Variants in KIF16B observed in about 807,000 individuals in gnomAD.
The protein encoded by KIF16B is kinesin family member 16B, also known as kinesin-like protein KIF16B.
A neutral mutation model predicts 156.3 loss-of-function variants in KIF16B; 98 were observed. The ratio of observed to expected loss-of-function variants is 0.63; its 90% CI spans 0.53 to 0.74. KIF16B has a LOEUF of 0.74. Among genes scored for constraint, KIF16B ranks in the 30% least tolerant of loss-of-function variants. KIF16B has a pLI of 0.00. For missense variants in KIF16B, 1,421 were observed against 1,606.5 expected, an observed-to-expected ratio of 0.88 and a Z score of 1.97; for synonymous variants, 564 against 583.7, an observed-to-expected ratio of 0.97 and a Z score of 0.49.
intron 1 of KIF16B, among the ~76,000 whole-genome samples, chr20:16,549,130 A>G (rs1441215580): frequency 6.7e-6 from 1 of 148,456 alleles, no homozygotes; most frequent in East Asian, 2.0e-4. Context: ...ATGCTGGTGC[A>G]CTGCACCCAC....
In KIF16B at chr20:16,273,333, G is replaced by A; in HGVS notation, c.3874C>T (p.Leu1292Phe). 1.9e-6 allele frequency: 3 copies of A among 1,613,648 alleles called. No homozygotes were observed. Among genetic ancestry groups the A allele is most frequent in the Non-Finnish European group, 2.5e-6 (3 of 1,179,536 alleles). Residue 1292 changes from leucine (L) to phenylalanine (F), a missense_variant, in exon 26 of 26, where the codon CTC becomes TTC. Transcript: ENST00000354981. ...AACTCACAAATGGTATGTTTCGAGA[G>A]AGTCAGTCCCACTTTGTTGATGTGG... The part of the protein sequence containing the change: ...PLHINKVGLT[L>F]SKHTICEFSP...
intron 12 of KIF16B, among the ~76,000 whole-genome samples, chr20:16,435,442 A>C (rs2066617372): frequency 6.6e-6 from 1 of 152,212 alleles, no homozygotes; most frequent in African/African-American, 2.4e-5. Flanking sequence ...CTGGATGTTT[A>C]AAGAGTTTCT....
chr20:16,308,593 G>A (rs1267135351), intron 25 of KIF16B, among the ~76,000 whole-genome samples: 1 of 152,182 alleles, frequency 6.6e-6, no homozygotes, highest in Non-Finnish European at 1.5e-5. Context: ...CAAGACATAG[G>A]CCTTCACCTG....
chr20:16,451,474 A>C (rs2067078888), intron 12 of KIF16B, among the ~76,000 whole-genome samples: 1 of 151,948 alleles, frequency 6.6e-6, no homozygotes, highest in African/African-American at 2.4e-5. Flanking sequence ...TAATTTGAAG[A>C]CTTCTTTCTT....
chr20:16,508,749 A>C (rs553030431), intron 6 of KIF16B, among the ~76,000 whole-genome samples: 57 of 152,296 alleles, frequency 3.7e-4, no homozygotes, highest in African/African-American at 1.4e-3. Context: ...ACGGTATTTA[A>C]AAAAAGGTTA....
At chr20:16,415,762 C>A (rs1164685705) in intron 15 of KIF16B, among the ~76,000 whole-genome samples, 1 of 152,126 alleles carries the variant, frequency 6.6e-6, no homozygotes, top group Non-Finnish European at 1.5e-5. Flanking sequence ...ACATTCACTT[C>A]AGAATTCAAC....
chr20:16,405,169 C>T (rs2065751811), intron 16 of KIF16B, among the ~76,000 whole-genome samples: 1 of 152,130 alleles, frequency 6.6e-6, no homozygotes, highest in Non-Finnish European at 1.5e-5. Context: ...CCCAGTTGGT[C>T]TCCCCTGCCG....
intron 12 of KIF16B, among the ~76,000 whole-genome samples, chr20:16,468,780 A>G (rs904119498): frequency 3.9e-5 from 6 of 152,138 alleles, no homozygotes; most frequent in African/African-American, 1.4e-4. Context: ...AAATGCACAC[A>G]TCCAGTAGGC....
At chr20:16,406,529 T>C (rs1295254613) in intron 15 of KIF16B, 73 bp from the exon 16 acceptor site, 8 of 1,221,634 alleles carry the variant, frequency 6.5e-6, no homozygotes, top group Non-Finnish European at 1.2e-6. Flanking sequence ...TAACATGGAA[T>C]TCTACTGTTG....
intron 17 of KIF16B, among the ~76,000 whole-genome samples, chr20:16,384,414 C>T (rs946542273): frequency 4.6e-5 from 7 of 152,124 alleles, no homozygotes; most frequent in Non-Finnish European, 1.0e-4. Flanking sequence ...CTTTCTCTTG[C>T]ATGATATAGA....
chr20:16,410,190 T>C (rs529392069), intron 15 of KIF16B, among the ~76,000 whole-genome samples: 68 of 145,484 alleles, frequency 4.7e-4, no homozygotes, highest in African/African-American at 1.7e-3. Flanking sequence ...TGTAGGTACA[T>C]ATACATATAT....
chr20:16,447,351 A>C (rs2146573211), intron 12 of KIF16B, among the ~76,000 whole-genome samples: 1 of 152,230 alleles, frequency 6.6e-6, no homozygotes, highest in South Asian at 2.1e-4. Flanking sequence ...CTAAGATCAC[A>C]GATCTGCCAC....
At chr20:16,475,822 C>A (rs1042588298) in intron 12 of KIF16B, among the ~76,000 whole-genome samples, 1 of 152,138 alleles carries the variant, frequency 6.6e-6, no homozygotes, top group African/African-American at 2.4e-5. Context: ...TTTTCAAAAA[C>A]CTTTTAGCTG....
chr20:16,337,372 T>C (rs972949121), intron 23 of KIF16B, among the ~76,000 whole-genome samples: 2 of 152,164 alleles, frequency 1.3e-5, no homozygotes, highest in Non-Finnish European at 2.9e-5. Flanking sequence ...TCCCAGCCAT[T>C]CTTTCATTCG....
intron 12 of KIF16B, among the ~76,000 whole-genome samples, chr20:16,458,115 C>CA (rs2067257412): frequency 6.6e-6 from 1 of 152,104 alleles, no homozygotes; most frequent in South Asian, 2.1e-4. Context: ...ACTTTACTGC[C>CA]AAAATGCAGC....
chr20:16,508,755 G>C (rs1172405843), intron 6 of KIF16B, among the ~76,000 whole-genome samples: 3 of 152,130 alleles, frequency 2.0e-5, no homozygotes, highest in Non-Finnish European at 4.4e-5. Context: ...TTTAAAAAAA[G>C]GTTAGCTATT....
intron 1 of KIF16B, among the ~76,000 whole-genome samples, chr20:16,537,238 AC>A (rs1214804976): frequency 6.6e-6 from 1 of 152,044 alleles, no homozygotes; most frequent in East Asian, 1.9e-4. Flanking sequence ...TCATGATCTG[AC>A]CCTAGTTGAC....
chr20:16,469,148 AAGCTGAGGCAGG>A (rs1310896216), intron 12 of KIF16B, among the ~76,000 whole-genome samples: 1 of 151,396 alleles, frequency 6.6e-6, no homozygotes. Context: ...GCTACTTGGG[AAGCTGAGGCAGG>A]AGGACTGCTT....
intron 1 of KIF16B, among the ~76,000 whole-genome samples, chr20:16,542,559 G>T (rs548097330): frequency 2.6e-5 from 4 of 152,144 alleles, no homozygotes; most frequent in African/African-American, 7.2e-5. Context: ...CCTCTCTAAG[G>T]GGGTGAGATA....
Sources: allele counts gnomAD v4.1 joint callset (sites outside exome capture counted in the v4.1 genomes callset), GRCh38; gene constraint gnomAD v4.1.1; transcripts MANE v1.5; gene names NCBI Gene and HGNC (gene_info 2026-07-23, HGNC 2026-07-21).